HJURP: variants seen among roughly 807,000 people sequenced by gnomAD.
HJURP encodes the protein Holliday junction recognition protein.
In HJURP, 49 loss-of-function variants were observed where a neutral mutation model predicts 72.0. That is an observed-to-expected ratio of 0.68 (90% confidence interval 0.54 to 0.86). The LOEUF is 0.86. HJURP is among the 40% of genes least tolerant of loss of function. HJURP has a pLI of 0.00. For missense variants in HJURP, 908 were observed against 936.3 expected, an observed-to-expected ratio of 0.97 and a Z score of 0.39; for synonymous variants, 357 against 347.1, an observed-to-expected ratio of 1.03 and a Z score of -0.32.
rs638071 is a variant in HJURP at position 233,846,835 on chromosome 2, G to T, written c.402+562C>A. ...AGCTGGTTAAGCTCTGTGTAAATTC[G>T]CATCTATCCCAACCAAGGAGGATAA... On this transcript the variant is annotated intron_variant, in intron 5 of 8. Coordinates refer to ENST00000411486, the MANE Select transcript of HJURP (RefSeq NM_018410.5). The surrounding 1 kb of genome is among the most constrained non-coding windows in gnomAD (Gnocchi z 4.3). Among the ~76,000 whole-genome samples the T allele has an allele frequency of 0.62, 93,944 of 152,008 alleles. 29,594 individuals are homozygous for T. Among genetic ancestry groups the T allele is most frequent in the Middle Eastern group, 0.76 (224 of 294 alleles).
rs776996867 is a variant in HJURP, at chr2:233,846,858, T to TAA, written c.402+537_402+538dup. On this transcript the variant is annotated intron_variant, in intron 5 of 8. Coordinates refer to ENST00000411486, the MANE Select transcript of HJURP (RefSeq NM_018410.5). This position sits in a 1 kb window ranked among gnomAD's most constrained non-coding sequence, Gnocchi z 4.3. ...TCGCATCTATCCCAACCAAGGAGGA[T>TAA]AAGAAGCACATCCCATAAGAAAACG... Among the ~76,000 whole-genome samples the TAA allele has an allele frequency of 1.3e-5, 2 of 152,166 alleles. No individual in the cohort carries two copies. The highest frequency in any genetic ancestry group is 2.9e-5 in the Non-Finnish European group (2 of 68,030).
intron 8 of HJURP, among the ~76,000 whole-genome samples, chr2:233,839,386 T>C (rs868794025): frequency 7.3e-5 from 11 of 150,914 alleles, no homozygotes; most frequent in South Asian, 2.1e-4. Flanking sequence ...AACTGGGGAG[T>C]AGGGGGAGAA....
In HJURP at chr2:233,841,912, T is replaced by A; in HGVS notation, c.868A>T (p.Met290Leu). 6.2e-7 allele frequency: 1 copy of A among 1,614,222 alleles called. No individual in the cohort carries two copies. The change falls in exon 8 of 9, where the codon ATG becomes TTG. Residue 290 changes from methionine to leucine, a missense_variant. Met to Leu is a conservative substitution (Grantham distance 15). This residue lies in a region of HJURP where 598 missense variants were observed against 619.5 expected (regional missense o/e 0.97). Transcript: ENST00000411486. ...CTCCTCCTGGAGTTCCAGTTTTGCATGATGAACGTTTTGGTGGAGATGATG... is the reference window on the plus strand; with the variant it reads ...CTCCTCCTGGAGTTCCAGTTTTGCAAGATGAACGTTTTGGTGGAGATGATG... ...SSIISTKTFIMQNWNSRRRHR... is the reference protein window; with the variant it reads ...SSIISTKTFILQNWNSRRRHR...
rs376440946 is a variant in HJURP at position 233,841,512 on chromosome 2, C to T, written c.1268G>A (p.Arg423Gln). 1.4e-4 allele frequency: 228 copies of T among 1,613,980 alleles called. No homozygotes were observed. Among genetic ancestry groups the T allele is most frequent in the Non-Finnish European group, 1.8e-4 (211 of 1,179,998 alleles). Residue 423 changes from arginine to glutamine, a missense_variant, in exon 8 of 9, where the codon CGA (arginine) becomes CAA (glutamine). Around this residue, in one of 3 missense-constraint regions of HJURP, gnomAD observed 598 missense variants for 619.5 expected, o/e 0.97. Transcript: ENST00000411486. Reference protein sequence around the residue: ...PVKIVSRPTIRQGHGENRQRE... With the variant: ...PVKIVSRPTIQQGHGENRQRE... ...CTGACGGTTCTCTCCATGGCCCTGT[C>T]GTATTGTTGGTCTGGAAACTATTTT...
At chr2:233,839,807 GGC>G (rs1193770144) in intron 8 of HJURP, among the ~76,000 whole-genome samples, 2 of 152,116 alleles carry the variant, frequency 1.3e-5, no homozygotes, top group Non-Finnish European at 2.9e-5. Flanking sequence ...CTGGAGACAC[GGC>G]CTCACCTGCT....
Position 233,841,040 on chromosome 2 carries a change from A to G in HJURP, c.1740T>C (p.Ile580=), listed in dbSNP as rs1705212990. 6.2e-7 allele frequency: 1 copy of G among 1,614,058 alleles called. No individual in the cohort carries two copies. Among genetic ancestry groups the G allele is most frequent in the Non-Finnish European group, 8.5e-7 (1 of 1,180,036 alleles). ...PGHGRNRYDE[I]KEEFDKLHQK... is the part of the protein sequence containing the mutation. ...GATGAAGCTTGTCAAATTCTTCTTTAATTTCATCGTAACGATTCCTTCCGT... is the reference window on the plus strand; with the variant it reads ...GATGAAGCTTGTCAAATTCTTCTTTGATTTCATCGTAACGATTCCTTCCGT... The change falls in exon 8 of 9, where the codon ATT becomes ATC. Residue 580 remains isoleucine (I), a synonymous_variant. Transcript: ENST00000411486.
chr2:233,837,656 G>C lies in HJURP; in HGVS notation c.2172-4C>G. The C allele has an allele frequency of 6.3e-7, 1 of 1,575,310 alleles. No homozygotes were observed. Among genetic ancestry groups the C allele is most frequent in the South Asian group, 1.2e-5 (1 of 85,588 alleles). Reference sequence around the variant, plus strand: ...CCTGTAAGACGTGTTCTCTCCTCTAGGAAAAAAAAAAGACAAAGAAAATGA... The same window carrying C: ...CCTGTAAGACGTGTTCTCTCCTCTACGAAAAAAAAAAGACAAAGAAAATGA... On this transcript the variant is annotated splice_region_variant and splice_polypyrimidine_tract_variant and intron_variant, in intron 8 of 8. Coordinates refer to ENST00000411486, the MANE Select transcript of HJURP (RefSeq NM_018410.5).
Position 233,841,616 on chromosome 2 carries a change from A to T in HJURP, c.1164T>A (p.Ile388=). 1 of 1,614,164 alleles carries T rather than the reference A, an allele frequency of 6.2e-7. No homozygotes were observed. The highest frequency in any genetic ancestry group is 1.1e-5 in the South Asian group (1 of 91,086). Residue 388 remains isoleucine, a synonymous_variant, in exon 8 of 9, where the codon ATT becomes ATA. Coordinates refer to ENST00000411486, the MANE Select transcript of HJURP (RefSeq NM_018410.5). ...TATATGTTGCACTGGAGTCGAAGTA[A>T]ATCAAGGAAGAATACTTCGAGGGTG... The part of the protein sequence containing the change: ...KVTPSKYSSL[I]YFDSSATYNL...
At chr2:233,852,848 A>G (rs150256469) in intron 2 of HJURP, among the ~76,000 whole-genome samples, 1 of 152,220 alleles carries the variant, frequency 6.6e-6, no homozygotes, top group Non-Finnish European at 1.5e-5. Context: ...CGGCTCATCA[A>G]ATTACATCAT....
chr2:233,849,119 G>A (rs1010618892), intron 4 of HJURP, among the ~76,000 whole-genome samples: 2 of 152,216 alleles, frequency 1.3e-5, no homozygotes, highest in Non-Finnish European at 2.9e-5. Context: ...AGGAACACAC[G>A]GGGTTGGTGG....
Position 233,840,876 on chromosome 2 carries a change from C to A in HJURP, c.1904G>T (p.Gly635Val), listed in dbSNP as rs377254641. The change falls in exon 8 of 9, where the codon GGT (glycine) becomes GTT (valine). Residue 635 changes from glycine to valine, a missense_variant. Physicochemically the swap from Gly to Val is moderately radical, Grantham distance 109 (BLOSUM62 -3). Transcript: ENST00000411486. ...GGGTGATGATGGCAACTTCTGGAAA[C>A]CCTGGAAGTGAGGGTCTGGATTTAA... ...GKLNPDPHFQ[G>V]FQKLPSSPLG... The A allele has an allele frequency of 8.7e-6, 14 of 1,614,016 alleles. No homozygotes were observed. In the African/African-American group the frequency reaches 1.5e-4, roughly 17 times the overall value.
At chr2:233,850,500 T>C (rs1195390813) in intron 3 of HJURP, among the ~76,000 whole-genome samples, 1 of 152,076 alleles carries the variant, frequency 6.6e-6, no homozygotes, top group Non-Finnish European at 1.5e-5. Context: ...AGTAATGAAA[T>C]TCAAGCATTC....
At position 233,837,374 on chromosome 2, in the gene HJURP, C is replaced by T. The variant is rs768093141; in HGVS notation, c.*203G>A. On this transcript the variant is annotated 3_prime_UTR_variant, in exon 9 of 9. Coordinates refer to ENST00000411486, the MANE Select transcript of HJURP (RefSeq NM_018410.5). ...AAAAACAGGCCTATCAAAGAGAACC[C>T]TAAAAATTCTAATTGAGCAACTTTA... 6.6e-5 allele frequency: 29 copies of T among 441,184 alleles called. No homozygotes were observed. Among genetic ancestry groups the T allele is most frequent in the Non-Finnish European group, 1.1e-4 (28 of 247,886 alleles). The allele number at this position is 441,184 out of a possible 1,614,324, so 27.3% of individuals were successfully genotyped here. A position where few individuals can be genotyped will look rare whatever the true frequency, so the allele number is the denominator to read the frequency against.
chr2:233,840,783 C>G lies in HJURP; in HGVS notation c.1997G>C (p.Arg666Pro). The G allele has an allele frequency of 1.2e-6, 2 of 1,613,478 alleles. No homozygotes were observed. Among genetic ancestry groups the G allele is most frequent in the South Asian group, 1.1e-5 (1 of 91,022 alleles). ...IEAPSSTCVARAITRDGTRDH... is the reference protein window; with the variant it reads ...IEAPSSTCVAPAITRDGTRDH... ...CCTCGTGCCATCCCTCGTGATGGCA[C>G]GAGCAACACATGTAGATGAAGGAGC... The change falls in exon 8 of 9, where the codon CGT becomes CCT. Residue 666 changes from arginine (R) to proline (P), a missense_variant. Physicochemically the swap from Arg to Pro is moderately radical, Grantham distance 103 (BLOSUM62 -2). Around this residue, in one of 3 missense-constraint regions of HJURP, gnomAD observed 598 missense variants for 619.5 expected, o/e 0.97. Transcript: ENST00000411486.
Position 233,840,686 on chromosome 2 carries a change from C to A in HJURP, c.2094G>T (p.Leu698=). ...PQGSGRQGNS[L]GASDGVDNTV... is the part of the protein sequence containing the mutation. ...TGTTGTCCACCCCATCTGAGGCACC[C>A]AGGGAATTGCCCTGGCGTCCGGAGC... Residue 698 remains leucine (L), a synonymous_variant, in exon 8 of 9, where the codon CTG becomes CTT. Coordinates refer to ENST00000411486, the MANE Select transcript of HJURP (RefSeq NM_018410.5). 3 of 1,614,022 alleles carry A rather than the reference C, an allele frequency of 1.9e-6. No homozygotes were observed. Among genetic ancestry groups the A allele is most frequent in the Non-Finnish European group, 2.5e-6 (3 of 1,179,994 alleles).
intron 4 of HJURP, among the ~76,000 whole-genome samples, chr2:233,848,618 A>T (rs1395210371): frequency 1.3e-5 from 2 of 152,196 alleles, no homozygotes; most frequent in African/African-American, 4.8e-5. Context: ...GCTAGAGGGA[A>T]GACGGCAGGG....
chr2:233,849,618 A>C, intron 4 of HJURP, 145 bp downstream of exon 4: 1 of 591,972 alleles, frequency 1.7e-6, no homozygotes, highest in Non-Finnish European at 3.0e-6. Context: ...TCAACAGGGT[A>C]CTTTAACATG....
rs892934323 is a variant in HJURP, at chr2:233,836,842, T to C, written c.*735A>G. ...GAATCATGAGGAGTCACAGGCGCTGTGGCTGCAGGAGCGTCTGGGACCACC... is the reference window on the plus strand; with the variant it reads ...GAATCATGAGGAGTCACAGGCGCTGCGGCTGCAGGAGCGTCTGGGACCACC... On this transcript the variant is annotated 3_prime_UTR_variant, in exon 9 of 9. Coordinates refer to ENST00000411486, the MANE Select transcript of HJURP (RefSeq NM_018410.5). 14 of 152,230 alleles carry C rather than the reference T, an allele frequency of 9.2e-5. No individual in the cohort carries two copies. Among genetic ancestry groups the C allele is most frequent in the African/African-American group, 2.9e-4 (12 of 41,462 alleles). 9.4% of individuals were successfully genotyped at this position (152,230 alleles called of 1,614,324 possible).
At chr2:233,845,988 CTA>C in intron 5 of HJURP, 168 bp from the exon 6 acceptor site, 1 of 554,246 alleles carries the variant, frequency 1.8e-6, no homozygotes, top group East Asian at 2.9e-5. Context: ...TCACTTCCTG[CTA>C]TGTTAATAAT....
Sources: allele counts gnomAD v4.1 joint callset (sites outside exome capture counted in the v4.1 genomes callset), GRCh38; gene constraint gnomAD v4.1.1; regional missense constraint gnomAD v4.1.1; non-coding constraint Gnocchi (gnomAD v3.1); transcripts MANE v1.5; gene names NCBI Gene and HGNC (gene_info 2026-07-23, HGNC 2026-07-21).